Variants in RICTOR observed in about 807,000 individuals in gnomAD.
RICTOR encodes RPTOR independent companion of MTOR complex 2, also known as rapamycin-insensitive companion of mTOR.
RICTOR carries 49 observed loss-of-function variants against 214.9 expected under a neutral mutation model. That is an observed-to-expected ratio of 0.23 (90% CI 0.18 to 0.29). The LOEUF (loss-of-function observed/expected upper bound fraction) is 0.29. Among genes scored for constraint, RICTOR ranks in the 10% least tolerant of loss-of-function variants. The pLI, the probability that RICTOR is intolerant of heterozygous loss-of-function variation, is 1.00. For missense variants in RICTOR, 1,625 were observed against 2,047.0 expected (o/e 0.79, Z 3.98); for synonymous variants, 717 against 711.3 (o/e 1.01, Z -0.13).
chr5:39,006,619 T>C (rs1754071265), intron 3 of RICTOR, among the ~76,000 whole-genome samples: 1 of 150,640 alleles, frequency 6.6e-6, no homozygotes, highest in Non-Finnish European at 1.5e-5. Flanking sequence ...AAAAGTTCAC[T>C]ACCCTATTGG....
intron 19 of RICTOR, among the ~76,000 whole-genome samples, chr5:38,961,437 T>C (rs558695868): frequency 1.3e-5 from 2 of 152,172 alleles, no homozygotes; most frequent in East Asian, 3.8e-4. Context: ...AGTTGCAATT[T>C]AGGCCAATGA....
intron 30 of RICTOR, among the ~76,000 whole-genome samples, chr5:38,951,657 A>C (rs1173829755): frequency 1.3e-5 from 2 of 152,012 alleles, no homozygotes; most frequent in East Asian, 1.9e-4. Flanking sequence ...AAAAGGAAGA[A>C]CCATGCCTTA....
intron 2 of RICTOR, among the ~76,000 whole-genome samples, chr5:39,067,998 T>C (rs894161929): frequency 2.0e-5 from 3 of 151,974 alleles, no homozygotes. Context: ...AAAGATCTAG[T>C]GAAGGGGGAA....
intron 2 of RICTOR, among the ~76,000 whole-genome samples, chr5:39,046,881 C>T (rs751631601): frequency 6.6e-6 from 1 of 152,090 alleles, no homozygotes; most frequent in Non-Finnish European, 1.5e-5. Context: ...TCCTTTTCCT[C>T]AGGTTTCTCT....
At chr5:38,982,648 A>G (rs1221830154) in intron 7 of RICTOR, among the ~76,000 whole-genome samples, 22 of 152,120 alleles carry the variant, frequency 1.4e-4, no homozygotes, top group Non-Finnish European at 1.5e-5. Context: ...ATGCTTCCCA[A>G]ACTAGTTTTT....
intron 5 of RICTOR, among the ~76,000 whole-genome samples, chr5:38,999,050 AAC>A (rs1554069810): frequency 1.3e-4 from 19 of 147,134 alleles, no homozygotes; most frequent in South Asian, 6.4e-4. Context: ...AAAAAAAAAA[AAC>A]AAACCTAAAA....
chr5:38,947,191 C>T, intron 32 of RICTOR, 73 bp downstream of exon 32: 1 of 1,074,610 alleles, frequency 9.3e-7, no homozygotes, highest in East Asian at 2.4e-5. Context: ...ATTATGATTT[C>T]TAGTAAGCAG....
intron 10 of RICTOR, among the ~76,000 whole-genome samples, chr5:38,972,193 C>T (rs1750844009): frequency 6.6e-6 from 1 of 152,298 alleles, no homozygotes; most frequent in African/African-American, 2.4e-5. Flanking sequence ...TCTTCAGTAT[C>T]TGTTTAATAC....
chr5:38,971,784 G>A (rs1193911474), intron 11 of RICTOR, 93 bp downstream of exon 11: 28 of 658,360 alleles, frequency 4.3e-5, no homozygotes, highest in Non-Finnish European at 5.4e-5. Context: ...CAACTAATGA[G>A]GAAAACACAT....
chr5:38,966,903 C>A, intron 14 of RICTOR, 182 bp from the exon 15 acceptor site: 1 of 585,536 alleles, frequency 1.7e-6, no homozygotes, highest in Non-Finnish European at 3.0e-6. Context: ...CGGGTTCAAG[C>A]AATTCTCGTG....
rs1747332798 is a variant in RICTOR, at chr5:38,939,736, A to T, written c.*2568T>A. Reference sequence around the variant, plus strand: ...TTTATATGGACTAAGATTAATCCTAAAATCTTTAAAAACTACAGTATTGAC... The same window carrying T: ...TTTATATGGACTAAGATTAATCCTATAATCTTTAAAAACTACAGTATTGAC... On this transcript the variant is annotated 3_prime_UTR_variant, in exon 38 of 38. Transcript: ENST00000357387. 8.7e-6 allele frequency: 2 copies of T among 228,774 alleles called. No homozygotes were observed. The highest frequency in any genetic ancestry group is 1.1e-4 in the Admixed American group (2 of 17,628). The allele number at this position is 228,774 out of a possible 1,614,324, so 14.2% of individuals were successfully genotyped here. A position where few individuals can be genotyped will look rare whatever the true frequency, so the allele number is the denominator to read the frequency against.
At chr5:39,005,168 T>C (rs966399172) in intron 3 of RICTOR, among the ~76,000 whole-genome samples, 20 of 152,216 alleles carry the variant, frequency 1.3e-4, no homozygotes, top group African/African-American at 1.7e-4. Flanking sequence ...GTTTCCTTTG[T>C]AGCTATCCTG....
chr5:38,966,112 A>AAAAAC (rs971187869), intron 15 of RICTOR, among the ~76,000 whole-genome samples: 12 of 152,142 alleles, frequency 7.9e-5, no homozygotes, highest in African/African-American at 2.7e-4. Context: ...GAAAAACAAA[A>AAAAAC]AAAACAAAAC....
chr5:38,966,818 A>G, intron 14 of RICTOR, 97 bp from the exon 15 acceptor site: 1 of 416,896 alleles, frequency 2.4e-6, no homozygotes, highest in East Asian at 4.7e-5. Context: ...TTTTTTTTTT[A>G]AGACAAGAGG....
At chr5:39,063,788 G>A (rs6865364) in intron 2 of RICTOR, among the ~76,000 whole-genome samples, 57,156 of 151,390 alleles carry the variant, frequency 0.38, 11,035 homozygotes, top group East Asian at 0.47. Flanking sequence ...AAATATACTG[G>A]TTGACATTAA....
chr5:38,940,175 A>G lies in RICTOR; in HGVS notation c.*2129T>C. The G allele has an allele frequency of 4.3e-6, 1 of 230,478 alleles. No homozygotes were observed. The allele number at this position is 230,478 out of a possible 1,614,324, so 14.3% of individuals were successfully genotyped here. On this transcript the variant is annotated 3_prime_UTR_variant, in exon 38 of 38. Transcript: ENST00000357387. ...AAAAACACAAAACATTCAGGCCAAT[A>G]CTAACTAAGCCTTATTTCAGGATAG...
At position 38,962,935 on chromosome 5, in the gene RICTOR, C is replaced by A; in HGVS notation, c.1507G>T (p.Ala503Ser). ...TACTGATCCCGTTTCTGGTGTGTTG[C>A]AATTGCTTTCTGAATAATGTGGTCT... ...HLDHIIQKAIATHQKRDQYLR... is the reference protein window; with the variant it reads ...HLDHIIQKAISTHQKRDQYLR... The change falls in exon 17 of 38, where the codon GCA becomes TCA. Residue 503 changes from alanine (A) to serine (S), a missense_variant. This residue lies in a region of RICTOR where 1,214 missense variants were observed against 1,470.5 expected (regional missense o/e 0.83). Transcript: ENST00000357387. 6.2e-7 allele frequency: 1 copy of A among 1,612,802 alleles called. No individual in the cohort carries two copies. Among genetic ancestry groups the A allele is most frequent in the South Asian group, 1.1e-5 (1 of 91,028 alleles).
At chr5:39,026,030 T>C (rs1365110860) in intron 2 of RICTOR, among the ~76,000 whole-genome samples, 1 of 152,172 alleles carries the variant, frequency 6.6e-6, no homozygotes, top group Admixed American at 6.5e-5. Context: ...AAGAGAGGTT[T>C]ACCTGTCTCT....
At chr5:38,969,562 G>T (rs907963603) in intron 11 of RICTOR, 2 of 151,848 alleles carry the variant, frequency 1.3e-5, no homozygotes, top group African/African-American at 4.8e-5. Flanking sequence ...CATGTCCTAG[G>T]TCTTAACATT....
Sources: gnomAD v4.1 joint callset for allele counts (sites outside exome capture counted in the v4.1 genomes callset) on GRCh38, gnomAD v4.1.1 for gene constraint, gnomAD v4.1.1 regional missense constraint, MANE v1.5 for transcripts, NCBI Gene and HGNC (gene_info 2026-07-23, HGNC 2026-07-21) for gene names.